STAU2: variants seen among roughly 807,000 people sequenced by gnomAD.
The protein encoded by STAU2 is staufen double-stranded RNA binding protein 2.
In STAU2, 20 loss-of-function variants were observed where a neutral mutation model predicts 65.9. The observed-to-expected ratio is 0.30, with a 90% CI of 0.21 to 0.44. The LOEUF (loss-of-function observed/expected upper bound fraction) is 0.44. Among genes scored for constraint, STAU2 ranks in the 20% least tolerant of loss-of-function variants. STAU2 has a pLI of 1.00. For missense variants in STAU2, 558 were observed against 683.9 expected (o/e 0.82, Z 2.05); for synonymous variants, 232 against 233.9 (o/e 0.99, Z 0.07).
intron 11 of STAU2, among the ~76,000 whole-genome samples, chr8:73,590,023 GAAC>G (rs1403249461): frequency 6.7e-6 from 1 of 149,280 alleles, no homozygotes; most frequent in African/African-American, 2.5e-5. Flanking sequence ...GAGAGAAGAA[GAAC>G]AATAGGGAAG....
chr8:73,524,339 G>A (rs1823226692), intron 13 of STAU2, among the ~76,000 whole-genome samples: 1 of 152,124 alleles, frequency 6.6e-6, no homozygotes, highest in Non-Finnish European at 1.5e-5. Context: ...AGAAGAGGTA[G>A]GAGCAGGCAT....
intron 3 of STAU2, 62 bp downstream of exon 3, chr8:73,738,222 T>C (rs867352493): frequency 4.2e-6 from 6 of 1,420,498 alleles, no homozygotes; most frequent in South Asian, 2.4e-5. Context: ...TGAGTTAAAA[T>C]GTTCCACAAT....
intron 12 of STAU2, among the ~76,000 whole-genome samples, chr8:73,555,928 G>A (rs1413353561): frequency 6.6e-6 from 1 of 151,570 alleles, no homozygotes; most frequent in Non-Finnish European, 1.5e-5. Flanking sequence ...TTTATAATCA[G>A]GAAAAAATTT....
At chr8:73,721,889 A>T (rs1821711444) in intron 3 of STAU2, among the ~76,000 whole-genome samples, 4 of 152,138 alleles carry the variant, frequency 2.6e-5, no homozygotes, top group Admixed American at 2.6e-4. Context: ...GACAATTTAC[A>T]TTTAGTGTGA....
chr8:73,621,829 G>C lies in STAU2; in HGVS notation c.411-4378C>G, dbSNP rs74909705. 7.2e-5 allele frequency among the ~76,000 whole-genome samples: 11 copies of C among 152,168 alleles called. No homozygotes were observed. The East Asian group carries it at 1.9e-3, about 27-fold the overall frequency. Reference sequence around the variant, plus strand: ...AAGCTGCCCTGCTGACTCTCTGCACGATAAAGGTCCAGGATTATCACCACA... The same window carrying C: ...AAGCTGCCCTGCTGACTCTCTGCACCATAAAGGTCCAGGATTATCACCACA... On this transcript the variant is annotated intron_variant, in intron 6 of 14. Transcript: ENST00000524300.
At chr8:73,620,986 CT>C (rs1586138260) in intron 6 of STAU2, among the ~76,000 whole-genome samples, 2 of 152,240 alleles carry the variant, frequency 1.3e-5, no homozygotes, top group East Asian at 3.9e-4. Flanking sequence ...TACTTACTTC[CT>C]TTGGTAAAGA....
rs192452416 is a variant in STAU2 at position 73,497,841 on chromosome 8, A to G, written c.1530+54171T>C. 8.8e-3 allele frequency among the ~76,000 whole-genome samples: 1,333 copies of G among 151,960 alleles called. 20 individuals carry two copies. The highest frequency in any genetic ancestry group is 0.052 in the South Asian group (253 of 4,824). ...CACACTCGAGTGTTTCTTTATCAGT[A>G]TAATTACCATAACAGAATTATTTCT... On this transcript the variant is annotated intron_variant, in intron 13 of 14. Coordinates refer to ENST00000524300, the MANE Select transcript of STAU2 (RefSeq NM_001164380.2).
At chr8:73,688,949 A>G in intron 4 of STAU2, 136 bp from the exon 5 acceptor site, 2 of 972,140 alleles carry the variant, frequency 2.1e-6, no homozygotes. Context: ...ATCATCTGCA[A>G]CAAAATCTTA....
intron 3 of STAU2, among the ~76,000 whole-genome samples, chr8:73,730,004 T>C (rs1446944023): frequency 1.3e-5 from 2 of 152,210 alleles, no homozygotes; most frequent in African/African-American, 4.8e-5. Context: ...TAATTCTCTA[T>C]ATTATTTTCC....
chr8:73,739,736 G>C lies in STAU2; in HGVS notation c.-84+20C>G. 1 of 1,488,048 alleles carries C rather than the reference G, an allele frequency of 6.7e-7. No homozygotes were observed. Among genetic ancestry groups the C allele is most frequent in the Non-Finnish European group, 8.9e-7 (1 of 1,126,970 alleles). 92.2% of individuals were successfully genotyped at this position (1,488,048 alleles called of 1,614,324 possible). A position where few individuals can be genotyped will look rare whatever the true frequency, so the allele number is the denominator to read the frequency against. On this transcript the variant is annotated intron_variant, in intron 2 of 14. Transcript: ENST00000524300. ...TGGATATTGGTGAATTTGAGTTTTA[G>C]TCAAAGTTCTTCAGATTACCTTCTG...
Position 73,745,015 on chromosome 8 carries a change from A to G in STAU2, c.-197+1768T>C, listed in dbSNP as rs892522954. 9.8e-5 allele frequency among the ~76,000 whole-genome samples: 15 copies of G among 152,362 alleles called. No individual in the cohort carries two copies. In the Middle Eastern group the frequency reaches 0.01, roughly 104 times the overall value. ...ATACAAAACACTGGTTTTTATGGGG[A>G]AAAATGCAGTAATTTGTGAGCAAGT... is the stretch of plus-strand genomic sequence containing the variant. On this transcript the variant is annotated intron_variant, in intron 1 of 14. Transcript: ENST00000524300.
intron 13 of STAU2, among the ~76,000 whole-genome samples, chr8:73,442,637 T>C (rs1335679530): frequency 6.6e-6 from 1 of 152,216 alleles, no homozygotes; most frequent in Non-Finnish European, 1.5e-5. Context: ...TTCTAGAAAC[T>C]GCTAGTACTG....
intron 13 of STAU2, among the ~76,000 whole-genome samples, chr8:73,475,438 C>T (rs997409680): frequency 3.9e-5 from 6 of 151,984 alleles, no homozygotes; most frequent in Non-Finnish European, 7.4e-5. Flanking sequence ...AGCTGAGACC[C>T]GGAACATATG....
chr8:73,682,114 C>G (rs1028041773), intron 5 of STAU2, among the ~76,000 whole-genome samples: 3 of 152,062 alleles, frequency 2.0e-5, no homozygotes, highest in Admixed American at 2.0e-4. Flanking sequence ...AAACTATACC[C>G]TACAACAAAT....
At chr8:73,574,146 C>A (rs1316278764) in intron 12 of STAU2, among the ~76,000 whole-genome samples, 1 of 152,140 alleles carries the variant, frequency 6.6e-6, no homozygotes, top group African/African-American at 2.4e-5. Flanking sequence ...CCAAAAGACA[C>A]ATGAAAAAAT....
At chr8:73,640,318 G>T (rs1189897398) in intron 6 of STAU2, among the ~76,000 whole-genome samples, 1 of 151,896 alleles carries the variant, frequency 6.6e-6, no homozygotes, top group Non-Finnish European at 1.5e-5. Context: ...CAAATAAGTG[G>T]AACTGATTAG....
intron 4 of STAU2, among the ~76,000 whole-genome samples, chr8:73,690,392 A>C (rs1459491923): frequency 6.6e-6 from 1 of 151,692 alleles, no homozygotes; most frequent in Non-Finnish European, 1.5e-5. Flanking sequence ...ACCATGCATG[A>C]TCCTTCATTA....
At chr8:73,555,624 AAACT>A (rs1231335605) in intron 12 of STAU2, among the ~76,000 whole-genome samples, 3 of 152,044 alleles carry the variant, frequency 2.0e-5, no homozygotes, top group Non-Finnish European at 2.9e-5. Flanking sequence ...ACAAAATTTA[AAACT>A]AATACAATAT....
intron 13 of STAU2, among the ~76,000 whole-genome samples, chr8:73,517,387 T>C (rs1822795487): frequency 6.6e-6 from 1 of 152,124 alleles, no homozygotes. Flanking sequence ...ATTGTGCCAC[T>C]GCACTCCACC....
Sources: gnomAD v4.1 joint callset for allele counts (sites outside exome capture counted in the v4.1 genomes callset) on GRCh38, gnomAD v4.1.1 for gene constraint, MANE v1.5 for transcripts, NCBI Gene and HGNC (gene_info 2026-07-23, HGNC 2026-07-21) for gene names.